Variants in AMBN observed in about 807,000 individuals in gnomAD.
AMBN encodes the protein ameloblastin.
In AMBN, 54 loss-of-function variants were observed where a neutral mutation model predicts 48.0. That is an observed-to-expected ratio of 1.12 (90% CI 0.90 to 1.41). The LOEUF is 1.41. AMBN is among the 40% of genes most tolerant of loss of function. AMBN has a pLI of 0.00. For missense variants in AMBN, 571 were observed against 547.3 expected (o/e 1.04, Z -0.43); for synonymous variants, 186 against 190.0 (o/e 0.98, Z 0.17).
intron 5 of AMBN, among the ~76,000 whole-genome samples, chr4:70,600,470 A>T (rs1737494388): frequency 6.6e-6 from 1 of 152,318 alleles, no homozygotes; most frequent in East Asian, 1.9e-4. Flanking sequence ...GGCTCCAAGG[A>T]TTGTGAAATT....
chr4:70,605,248 A>G (rs1737615851), intron 12 of AMBN, among the ~76,000 whole-genome samples: 1 of 152,176 alleles, frequency 6.6e-6, no homozygotes, highest in Non-Finnish European at 1.5e-5. Flanking sequence ...TTGTATCTAT[A>G]TAGCACCAAT....
intron 7 of AMBN, 25 bp downstream of exon 7, chr4:70,602,687 C>T (rs1553884744): frequency 1.3e-6 from 2 of 1,543,786 alleles, no homozygotes; most frequent in South Asian, 2.5e-5. Context: ...CAATGAGACA[C>T]TTTCTGTATT....
intron 6 of AMBN, 117 bp downstream of exon 6, chr4:70,601,771 A>T: frequency 1.1e-6 from 1 of 907,376 alleles, no homozygotes; most frequent in Non-Finnish European, 1.7e-6. Flanking sequence ...TGATATAAAT[A>T]TATTCTTAAT....
At position 70,602,767 on chromosome 4, in the gene AMBN, C is replaced by A. The variant is rs188275922; in HGVS notation, c.571-31C>A. On this transcript the variant is annotated intron_variant, in intron 7 of 12. Coordinates refer to ENST00000322937, the MANE Select transcript of AMBN (RefSeq NM_016519.6). ...ATTTAACTACTTTGTTCATTTTTTACTGATAATTTTAATATTTATCTACAA... is the reference window on the plus strand; with the variant it reads ...ATTTAACTACTTTGTTCATTTTTTAATGATAATTTTAATATTTATCTACAA... The A allele has an allele frequency of 6.5e-3, 9,801 of 1,515,530 alleles. 30 individuals carry two copies. Among genetic ancestry groups the A allele is most frequent in the Non-Finnish European group, 7.6e-3 (8,590 of 1,123,088 alleles). 93.9% of individuals were successfully genotyped at this position (1,515,530 alleles called of 1,614,324 possible).
chr4:70,603,441 C>A lies in AMBN; in HGVS notation c.734C>A (p.Pro245His). ...CTTTATCCAGGAATGTTGTACGTGC[C>A]TTTTGGAGCAAATCAATTGGTAAGT... ...SPLYPGMLYV[P>H]FGANQLNAPA... Residue 245 changes from proline (P) to histidine (H), a missense_variant, in exon 11 of 13, where the codon CCT (proline) becomes CAT (histidine). Physicochemically the swap from Pro to His is moderately conservative, Grantham distance 77 (BLOSUM62 -2). Transcript: ENST00000322937. 1 of 1,612,530 alleles carries A rather than the reference C, an allele frequency of 6.2e-7. No individual in the cohort carries two copies. Among genetic ancestry groups the A allele is most frequent in the African/African-American group, 1.3e-5 (1 of 74,936 alleles).
chr4:70,596,236 C>T (rs775639547), intron 2 of AMBN, among the ~76,000 whole-genome samples: 37 of 147,270 alleles, frequency 2.5e-4, no homozygotes, highest in Non-Finnish European at 3.9e-4. Flanking sequence ...GCCGAGATCA[C>T]GGTACTGCAC....
Position 70,595,381 on chromosome 4 carries a change from T to C in AMBN, c.85-1618T>C, listed in dbSNP as rs558169730. 3.9e-5 allele frequency among the ~76,000 whole-genome samples: 6 copies of C among 152,048 alleles called. No individual in the cohort carries two copies. In the East Asian group the frequency reaches 1.2e-3, roughly 29 times the overall value. On this transcript the variant is annotated intron_variant, in intron 2 of 12. Transcript: ENST00000322937. ...TTTTGTATTTTTGTAGAGACGCGGT[T>C]TCGCCATGTTGGCCAGGCTGATCTC...
intron 8 of AMBN, 33 bp from the exon 9 acceptor site, chr4:70,602,939 G>C (rs756553919): frequency 1.3e-6 from 2 of 1,552,754 alleles, no homozygotes; most frequent in Non-Finnish European, 1.7e-6. Flanking sequence ...TTCCTTTTTT[G>C]ACTGATAATT....
At position 70,602,989 on chromosome 4, in the gene AMBN, T is replaced by G. The variant is rs1022256060; in HGVS notation, c.627T>G (p.Phe209Leu). The G allele has an allele frequency of 8.3e-5, 133 of 1,606,400 alleles. No homozygotes were observed. The highest frequency in any genetic ancestry group is 1.1e-4 in the Non-Finnish European group (124 of 1,176,748). Residue 209 changes from phenylalanine to leucine, a missense_variant, in exon 9 of 13, where the codon TTT becomes TTG. By Grantham distance (22) the Phe-to-Leu change is conservative (BLOSUM62 0). Transcript: ENST00000322937. ...TAATATAGCTCCCAGGATTGGATTT[T>G]GCTGATCCACAAGGTTCAACAGTAA... ...PQGPSLPGLDFADPQGSTIFQ... is the reference protein window; with the variant it reads ...PQGPSLPGLDLADPQGSTIFQ...
At chr4:70,592,824 G>A (rs1378068004) in intron 1 of AMBN, among the ~76,000 whole-genome samples, 1 of 152,096 alleles carries the variant, frequency 6.6e-6, no homozygotes, top group Non-Finnish European at 1.5e-5. Context: ...TTTTGTCATG[G>A]TTACGTAGAT....
At chr4:70,604,696 A>G (rs374087780) in intron 12 of AMBN, among the ~76,000 whole-genome samples, 75 of 150,780 alleles carry the variant, frequency 5.0e-4, no homozygotes, top group South Asian at 1.7e-3. Flanking sequence ...AAGACAAGGT[A>G]AGATTTTCGT....
Position 70,607,033 on chromosome 4 carries a change from A to G in AMBN, c.*303A>G. 1 of 274,248 alleles carries G rather than the reference A, an allele frequency of 3.6e-6. No individual in the cohort carries two copies. The highest frequency in any genetic ancestry group is 6.9e-6 in the Non-Finnish European group (1 of 145,626). 17.0% of individuals were successfully genotyped at this position (274,248 alleles called of 1,614,324 possible). A position where few individuals can be genotyped will look rare whatever the true frequency, so the allele number is the denominator to read the frequency against. On this transcript the variant is annotated 3_prime_UTR_variant, in exon 13 of 13. Coordinates refer to ENST00000322937, the MANE Select transcript of AMBN (RefSeq NM_016519.6). ...TTTTCTTAGCTGTCTTAAGCATTAT[A>G]GAATTTCTCTTACCAGCATGACACT...
chr4:70,597,500 G>A (rs1318463897), intron 3 of AMBN, among the ~76,000 whole-genome samples: 2 of 151,884 alleles, frequency 1.3e-5, no homozygotes, highest in African/African-American at 4.8e-5. Flanking sequence ...GATACTTCCT[G>A]CATAAGTTGT....
intron 5 of AMBN, among the ~76,000 whole-genome samples, chr4:70,600,201 C>T (rs1165525176): frequency 1.3e-5 from 2 of 152,014 alleles, no homozygotes; most frequent in African/African-American, 4.8e-5. Flanking sequence ...CAGCTACTCT[C>T]AGGAGGCTGA....
rs895417362 is a variant in AMBN, at chr4:70,595,290, C to T, written c.85-1709C>T. ...GCCACCTCCTCCTTCTGGGTTCAAG[C>T]GATTCTCCTGCCTCAGCCTCCCAAG... On this transcript the variant is annotated intron_variant, in intron 2 of 12. Transcript: ENST00000322937. 8.0e-5 allele frequency among the ~76,000 whole-genome samples: 12 copies of T among 149,474 alleles called. No individual in the cohort carries two copies. The East Asian group carries it at 9.9e-4, about 12-fold the overall frequency.
rs1244148082 is a variant in AMBN, at chr4:70,601,625, G to A, written c.502G>A (p.Ala168Thr). The change falls in exon 6 of 13, where the codon GCA becomes ACA. Residue 168 changes from alanine (A) to threonine (T), a missense_variant. Coordinates refer to ENST00000322937, the MANE Select transcript of AMBN (RefSeq NM_016519.6). ...GELPLVQQQV[A>T]PSDKPPKPEL... ...ACTGCCTCTGGTTCAGCAGCAGGTG[G>A]CACCATCAGATAAGCCACCAAAGCC... is the stretch of plus-strand genomic sequence containing the variant. 2.5e-6 allele frequency: 4 copies of A among 1,614,100 alleles called. No individual in the cohort carries two copies. Among genetic ancestry groups the A allele is most frequent in the South Asian group, 1.1e-5 (1 of 91,078 alleles).
chr4:70,594,285 A>G (rs532230767), intron 2 of AMBN, among the ~76,000 whole-genome samples: 2 of 152,334 alleles, frequency 1.3e-5, no homozygotes, highest in African/African-American at 4.8e-5. Flanking sequence ...ATTCTAGTAT[A>G]TATTGAAATG....
At position 70,606,212 on chromosome 4, in the gene AMBN, G is replaced by C; in HGVS notation, c.826G>C (p.Gly276Arg). ...AGGREDPMAY[G>R]AMFPGFGGMR... Reference sequence around the variant, plus strand: ...CGGGAGAGAAGACCCAATGGCCTATGGAGCCATGTTTCCAGGATTTGGAGG... The same window carrying C: ...CGGGAGAGAAGACCCAATGGCCTATCGAGCCATGTTTCCAGGATTTGGAGG... The change falls in exon 13 of 13, where the codon GGA (glycine) becomes CGA (arginine). Residue 276 changes from glycine to arginine, a missense_variant. Physicochemically the swap from Gly to Arg is moderately radical, Grantham distance 125. Transcript: ENST00000322937. 6.2e-7 allele frequency: 1 copy of C among 1,614,044 alleles called. No homozygotes were observed. Among genetic ancestry groups the C allele is most frequent in the East Asian group, 2.2e-5 (1 of 44,846 alleles).
chr4:70,594,930 C>T (rs887976448), intron 2 of AMBN, among the ~76,000 whole-genome samples: 10 of 152,124 alleles, frequency 6.6e-5, no homozygotes, highest in Non-Finnish European at 1.3e-4. Context: ...TGTATACATT[C>T]GTGTAAATAT....
Sources: gnomAD v4.1 joint callset for allele counts (sites outside exome capture counted in the v4.1 genomes callset) on GRCh38, gnomAD v4.1.1 for gene constraint, MANE v1.5 for transcripts, NCBI Gene and HGNC (gene_info 2026-07-23, HGNC 2026-07-21) for gene names.